Variants in CELF2 observed in about 807,000 individuals in gnomAD.
CELF2 encodes the protein CUG triplet repeat RNA-binding protein 2.
In CELF2, 8 loss-of-function variants were observed where a neutral mutation model predicts 62.6. That is an observed-to-expected ratio of 0.13 (90% CI 0.07 to 0.23). CELF2 has a LOEUF of 0.23. Among genes scored for constraint, CELF2 ranks in the 10% least tolerant of loss-of-function variants. The pLI is 1.00. For synonymous variants in CELF2, 258 were observed against 250.0 expected, an observed-to-expected ratio of 1.03 and a Z score of -0.30; for missense variants, 333 against 671.0, an observed-to-expected ratio of 0.50 and a Z score of 5.56.
chr10:10,666,695 T>C, the CELF2 span, among the ~76,000 whole-genome samples: 1 of 104,454 alleles, frequency 9.6e-6, no homozygotes, highest in Admixed American at 9.3e-5. Flanking sequence ...ACCCCGTCTC[T>C]ACTAAAAATA....
At position 11,257,720 on chromosome 10, in the gene CELF2, G is replaced by A. The variant is rs766202623; in HGVS notation, c.404-18G>A. 15 of 1,610,538 alleles carry A rather than the reference G, an allele frequency of 9.3e-6. No individual in the cohort carries two copies. Among genetic ancestry groups the A allele is most frequent in the South Asian group, 4.4e-5 (4 of 91,038 alleles). The stretch of plus-strand genomic sequence containing the variant: ...AAGATGAAATGGCCTTTGCTCATTC[G>A]TTATTTTTATCTCCTAGCTGTGGAA... On this transcript the variant is annotated intron_variant, in intron 4 of 12. Transcript: ENST00000633077.
At chr10:10,631,006 G>T in the CELF2 span, among the ~76,000 whole-genome samples, 2 of 152,136 alleles carry the variant, frequency 1.3e-5, no homozygotes, top group East Asian at 3.9e-4. Flanking sequence ...ATTTGGAATT[G>T]CCAATGTTAT....
the CELF2 span, among the ~76,000 whole-genome samples, chr10:10,715,442 G>T: frequency 1.1e-4 from 17 of 152,062 alleles, no homozygotes; most frequent in South Asian, 3.5e-3. Flanking sequence ...CTTTGTTCTT[G>T]GTCAAAGATT....
At position 11,223,394 on chromosome 10, in the gene CELF2, G is replaced by A. The variant is rs1402808225; in HGVS notation, c.354+5887G>A. ...GTATTCCACACATGTATTCTGCTGC[G>A]GAATGTGTCAGTCAGGACATCCATT... On this transcript the variant is annotated intron_variant, in intron 3 of 12. Coordinates refer to ENST00000633077, the MANE Select transcript of CELF2 (RefSeq NM_001326342.2). This position sits in a 1 kb window ranked among gnomAD's most constrained non-coding sequence, Gnocchi z 5.1. 6.6e-6 allele frequency among the ~76,000 whole-genome samples: 1 copy of A among 152,212 alleles called. No homozygotes were observed. The highest frequency in any genetic ancestry group is 2.1e-4 in the South Asian group (1 of 4,830).
chr10:10,945,243 A>G (rs1026116628), intron 2 of CELF2, among the ~76,000 whole-genome samples: 5 of 152,184 alleles, frequency 3.3e-5, no homozygotes, highest in African/African-American at 1.2e-4. Flanking sequence ...TGGAGGGGGC[A>G]GCTGACAGCA....
the CELF2 span, among the ~76,000 whole-genome samples, chr10:10,751,038 A>G: frequency 6.6e-6 from 1 of 152,288 alleles, no homozygotes; most frequent in Admixed American, 6.5e-5. Context: ...AACCCGTTTC[A>G]GCGATGTCTA....
Position 10,993,127 on chromosome 10 carries a change from C to T in CELF2, c.89+73128C>T, listed in dbSNP as rs567246146. On this transcript the variant is annotated intron_variant, in intron 2 of 13. Transcript: ENST00000636488. This position sits in a 1 kb window ranked among gnomAD's most constrained non-coding sequence, Gnocchi z 5.3. ...TGCAGGGCCAGCTGCTGTTTCCCAC[C>T]GAAGAGGCGAGTCAGCAGATCAGTA... is the stretch of plus-strand genomic sequence containing the variant. Among the ~76,000 whole-genome samples, 27 of 152,210 alleles carry T rather than the reference C, an allele frequency of 1.8e-4. No homozygotes were observed. The highest frequency in any genetic ancestry group is 5.1e-4 in the African/African-American group (21 of 41,526).
the CELF2 span, among the ~76,000 whole-genome samples, chr10:10,634,808 T>A: frequency 6.6e-6 from 1 of 151,970 alleles, no homozygotes; most frequent in Non-Finnish European, 1.5e-5. Context: ...ACTACAGGCA[T>A]GTGCCACCAT....
At chr10:10,505,069 A>C in the CELF2 span, among the ~76,000 whole-genome samples, 1 of 152,090 alleles carries the variant, frequency 6.6e-6, no homozygotes, top group African/African-American at 2.4e-5. Context: ...TTTGAGATCT[A>C]TCTTCCTGGT....
intron 1 of CELF2, among the ~76,000 whole-genome samples, chr10:11,021,072 G>T (rs1454290868): frequency 1.3e-5 from 2 of 152,014 alleles, no homozygotes; most frequent in African/African-American, 2.4e-5. Context: ...AATTAAGATG[G>T]TGGAGAGTGT....
chr10:10,529,658 T>C, the CELF2 span, among the ~76,000 whole-genome samples: 9 of 113,104 alleles, frequency 8.0e-5, no homozygotes, highest in East Asian at 2.2e-3. Flanking sequence ...CACCCCAGCC[T>C]GGGTGAGACA....
At chr10:11,265,088 G>T (rs187706974) in intron 5 of CELF2, among the ~76,000 whole-genome samples, 1 of 152,344 alleles carries the variant, frequency 6.6e-6, no homozygotes, top group Non-Finnish European at 1.5e-5. Context: ...GGATTAAAAG[G>T]TGCCGCTACA....
intron 1 of CELF2, among the ~76,000 whole-genome samples, chr10:10,805,742 T>C (rs1420119028): frequency 6.6e-6 from 1 of 152,160 alleles, no homozygotes; most frequent in Non-Finnish European, 1.5e-5. Context: ...TGGAGTTTGA[T>C]CATAGAGAGA....
At chr10:10,689,848 C>T in the CELF2 span, among the ~76,000 whole-genome samples, 1 of 152,192 alleles carries the variant, frequency 6.6e-6, no homozygotes, top group African/African-American at 2.4e-5. Flanking sequence ...TATATCTATA[C>T]ATAACATGTT....
chr10:11,145,111 T>C lies in CELF2; in HGVS notation c.75-20375T>C, dbSNP rs948244294. On this transcript the variant is annotated intron_variant, in intron 1 of 12. Transcript: ENST00000633077. The surrounding 1 kb of genome is among the most constrained non-coding windows in gnomAD (Gnocchi z 4.3). ...GTAGCCAAAGGTAATCTGTTTGTTA[T>C]GTACTTTCCTTTATTATCCCAGCAA... Among the ~76,000 whole-genome samples, 1 of 152,210 alleles carries C rather than the reference T, an allele frequency of 6.6e-6. No homozygotes were observed. Among genetic ancestry groups the C allele is most frequent in the African/African-American group, 2.4e-5 (1 of 41,446 alleles).
the CELF2 span, among the ~76,000 whole-genome samples, chr10:10,592,121 C>T: frequency 6.6e-6 from 1 of 152,024 alleles, no homozygotes; most frequent in East Asian, 1.9e-4. Flanking sequence ...AACTAGCGTA[C>T]AACCTTTCAA....
At chr10:11,041,260 G>C (rs1420810954) in intron 1 of CELF2, among the ~76,000 whole-genome samples, 1 of 152,184 alleles carries the variant, frequency 6.6e-6, no homozygotes, top group Admixed American at 6.5e-5. Context: ...TTGGGGGTTA[G>C]GACTTTAACA....
the CELF2 span, among the ~76,000 whole-genome samples, chr10:10,531,927 A>G: frequency 6.6e-6 from 1 of 152,136 alleles, no homozygotes; most frequent in African/African-American, 2.4e-5. Flanking sequence ...CTCTCATGGT[A>G]TTACAGGTGC....
chr10:10,543,892 G>T, the CELF2 span, among the ~76,000 whole-genome samples: 2 of 152,170 alleles, frequency 1.3e-5, no homozygotes, highest in East Asian at 3.9e-4. Flanking sequence ...TCAGCGCTAA[G>T]CATGCAGTGA....
Sources: allele counts gnomAD v4.1 joint callset (sites outside exome capture counted in the v4.1 genomes callset), GRCh38; gene constraint gnomAD v4.1.1; non-coding constraint Gnocchi (gnomAD v3.1); transcripts MANE v1.5; gene names NCBI Gene and HGNC (gene_info 2026-07-23, HGNC 2026-07-21).